The following ZC3H12B variants were observed in gnomAD, a reference collection of about 807,000 sequenced individuals.
ZC3H12B encodes the protein probable ribonuclease ZC3H12B.
In ZC3H12B, 7 loss-of-function variants were observed where a neutral mutation model predicts 43.9. The ratio of observed to expected loss-of-function variants is 0.16; its 90% CI spans 0.09 to 0.30. The LOEUF is 0.30. Among genes scored for constraint, ZC3H12B ranks in the 10% least tolerant of loss-of-function variants. ZC3H12B has a pLI of 1.00. For synonymous variants in ZC3H12B, 222 were observed against 241.7 expected (o/e 0.92, Z 0.76); for missense variants, 475 against 670.2 (o/e 0.71, Z 3.22).
chrX:65,248,066 G>A, the ZC3H12B span, among the ~76,000 whole-genome samples: 1 of 110,623 alleles, frequency 9.0e-6, no homozygotes, highest in Non-Finnish European at 1.9e-5. Flanking sequence ...TTTTTGTGGT[G>A]GAGTCTCGCT....
chrX:65,378,696 C>A, intron 2 of ZC3H12B, among the ~76,000 whole-genome samples: 1 of 112,080 alleles, frequency 8.9e-6, no homozygotes, highest in Non-Finnish European at 1.9e-5. Flanking sequence ...TCTGAGGTAC[C>A]AGGTTCATCT....
chrX:65,298,202 G>A, the ZC3H12B span, among the ~76,000 whole-genome samples: 1 of 111,795 alleles, frequency 8.9e-6, no homozygotes, highest in Non-Finnish European at 1.9e-5. Flanking sequence ...AATAAGCGGA[G>A]TAAACAGACA....
the ZC3H12B span, among the ~76,000 whole-genome samples, chrX:65,342,837 CAAA>C: frequency 1.8e-5 from 1 of 55,567 alleles, no homozygotes; most frequent in Non-Finnish European, 4.2e-5. Context: ...GAGACTGAGA[CAAA>C]AAAAAAAAAA....
At chrX:65,300,878 C>T in the ZC3H12B span, among the ~76,000 whole-genome samples, 1 of 110,499 alleles carries the variant, frequency 9.0e-6, no homozygotes, top group Non-Finnish European at 1.9e-5. Flanking sequence ...GTGAAAGAAT[C>T]AACAGAGTAA....
At chrX:65,079,542 G>T in the ZC3H12B span, among the ~76,000 whole-genome samples, 12 of 112,509 alleles carry the variant, frequency 1.1e-4, no homozygotes, top group East Asian at 3.4e-3. Context: ...AAGAGACTCT[G>T]TGTGGGAGAA....
the ZC3H12B span, among the ~76,000 whole-genome samples, chrX:65,127,169 C>T: frequency 9.0e-6 from 1 of 111,492 alleles, no homozygotes; most frequent in Non-Finnish European, 1.9e-5. Flanking sequence ...GGCTGCTGTT[C>T]AGATTCTTTT....
chrX:65,145,454 A>G, the ZC3H12B span, among the ~76,000 whole-genome samples: 1 of 111,838 alleles, frequency 8.9e-6, no homozygotes, highest in South Asian at 3.7e-4. Context: ...TTGAGCATTT[A>G]GGCCATTTAC....
At chrX:65,149,447 T>C in the ZC3H12B span, among the ~76,000 whole-genome samples, 1 of 111,768 alleles carries the variant, frequency 8.9e-6, no homozygotes, top group Non-Finnish European at 1.9e-5. Context: ...TTAACATTCC[T>C]TTAGGATAAA....
the ZC3H12B span, among the ~76,000 whole-genome samples, chrX:65,106,739 C>T: frequency 9.0e-6 from 1 of 111,093 alleles, no homozygotes; most frequent in Non-Finnish European, 1.9e-5. Flanking sequence ...GAAGATGATA[C>T]GTTCAGTTTG....
chrX:65,467,886 A>G (rs1437446394), intron 3 of ZC3H12B, among the ~76,000 whole-genome samples: 2 of 111,700 alleles, frequency 1.8e-5, no homozygotes, highest in Non-Finnish European at 3.8e-5. Context: ...GTTTAAAAAT[A>G]TTTTCTCCCA....
At chrX:65,191,010 G>C in the ZC3H12B span, among the ~76,000 whole-genome samples, 9 of 85,937 alleles carry the variant, frequency 1.0e-4, no homozygotes, top group Non-Finnish European at 1.5e-4. Flanking sequence ...TAGCATGAAG[G>C]GTTGTTGAAT....
intron 3 of ZC3H12B, among the ~76,000 whole-genome samples, chrX:65,415,938 G>A (rs2066955138): frequency 8.9e-6 from 1 of 111,857 alleles, no homozygotes; most frequent in Non-Finnish European, 1.9e-5. Flanking sequence ...CATTTGAAAT[G>A]GGGGCATGTT....
chrX:65,335,603 C>A, the ZC3H12B span, among the ~76,000 whole-genome samples: 1 of 110,427 alleles, frequency 9.1e-6, no homozygotes, highest in Admixed American at 9.6e-5. Flanking sequence ...TTGTAAAGGT[C>A]ATACAGATAT....
chrX:65,495,402 A>G (rs927127165), intron 1 of ZC3H12B, among the ~76,000 whole-genome samples: 1 of 112,225 alleles, frequency 8.9e-6, no homozygotes, highest in Admixed American at 9.5e-5. Context: ...TTGAAAGGGA[A>G]CAATATGTTG....
the ZC3H12B span, among the ~76,000 whole-genome samples, chrX:65,170,929 A>G: frequency 9.0e-6 from 1 of 111,545 alleles, no homozygotes; most frequent in Admixed American, 9.6e-5. Context: ...CTAGTTAGCC[A>G]TTCGTCTAAT....
intron 3 of ZC3H12B, among the ~76,000 whole-genome samples, chrX:65,399,801 G>C (rs1242346741): frequency 8.9e-6 from 1 of 111,989 alleles, no homozygotes; most frequent in African/African-American, 3.2e-5. Flanking sequence ...CAGATGACTG[G>C]GTAAAGACAA....
the ZC3H12B span, among the ~76,000 whole-genome samples, chrX:65,275,131 A>G: frequency 8.9e-6 from 1 of 112,804 alleles, no homozygotes; most frequent in African/African-American, 3.2e-5. Flanking sequence ...TTCTATAGAA[A>G]TGCCCCACTG....
chrX:65,461,621 A>G (rs1316388384), intron 3 of ZC3H12B, among the ~76,000 whole-genome samples: 1 of 111,636 alleles, frequency 9.0e-6, no homozygotes, highest in Non-Finnish European at 1.9e-5. Context: ...CAAACACCAA[A>G]TGTTCTCACT....
intron 3 of ZC3H12B, among the ~76,000 whole-genome samples, chrX:65,458,062 TAA>T (rs56840636): frequency 2.1e-3 from 33 of 15,870 alleles, no homozygotes; most frequent in African/African-American, 6.9e-3. Context: ...GAATGATCAA[TAA>T]AAAAAAAAAA....
Sources: allele counts gnomAD v4.1 joint callset (sites outside exome capture counted in the v4.1 genomes callset), GRCh38; gene constraint gnomAD v4.1.1; transcripts MANE v1.5; gene names NCBI Gene and HGNC (gene_info 2026-07-23, HGNC 2026-07-21).